LRRC58: variants seen among roughly 807,000 people sequenced by gnomAD.
The protein encoded by LRRC58 is leucine rich repeat containing 58, also known as leucine-rich repeat-containing protein 58.
LRRC58 carries 18 observed loss-of-function variants against 30.6 expected under a neutral mutation model. The observed-to-expected ratio is 0.59, with a 90% CI of 0.41 to 0.87. LRRC58 has a LOEUF of 0.87. Among genes scored for constraint, LRRC58 ranks in the 40% least tolerant of loss-of-function variants. The pLI is 0.00. For synonymous variants in LRRC58, 221 were observed against 206.0 expected, an observed-to-expected ratio of 1.07 and a Z score of -0.62; for missense variants, 420 against 468.4, an observed-to-expected ratio of 0.90 and a Z score of 0.95.
intron 3 of LRRC58, among the ~76,000 whole-genome samples, chr3:120,334,444 T>C (rs920534732): frequency 3.8e-4 from 57 of 151,578 alleles, no homozygotes; most frequent in African/African-American, 1.3e-3. Flanking sequence ...GGAGGCAGAG[T>C]TTGCAATGAG....
In LRRC58 at chr3:120,343,761, G is replaced by A. The variant is rs550950448; in HGVS notation, c.500+4983C>T. Among the ~76,000 whole-genome samples the A allele has an allele frequency of 2.0e-5, 3 of 152,330 alleles. No homozygotes were observed. In the East Asian group the frequency reaches 5.8e-4, roughly 29 times the overall value. On this transcript the variant is annotated intron_variant, in intron 1 of 3. Coordinates refer to ENST00000295628, the MANE Select transcript of LRRC58 (RefSeq NM_001099678.2). ...AAATATACGTTAAGCTGGGCACAGT[G>A]GTTCACGTCTCTAATCCCAGCACTT...
intron 1 of LRRC58, among the ~76,000 whole-genome samples, chr3:120,337,967 C>T (rs1170577812): frequency 4.6e-5 from 7 of 152,044 alleles, no homozygotes; most frequent in African/African-American, 1.2e-4. Context: ...CTCAGCCTCC[C>T]GAGGAGCTAG....
intron 1 of LRRC58, 97 bp from the exon 2 acceptor site, chr3:120,336,050 A>C: frequency 1.2e-6 from 1 of 860,340 alleles, no homozygotes; most frequent in Non-Finnish European, 1.8e-6. Flanking sequence ...CTATTCATTC[A>C]GCAAATGTTT....
chr3:120,337,356 C>G (rs755657101), intron 1 of LRRC58, among the ~76,000 whole-genome samples: 91 of 152,160 alleles, frequency 6.0e-4, no homozygotes, highest in Non-Finnish European at 1.8e-4. Context: ...ATCTGCAGAT[C>G]TGTAGGTCCC....
intron 1 of LRRC58, among the ~76,000 whole-genome samples, chr3:120,337,085 G>A (rs899506668): frequency 6.6e-6 from 1 of 151,982 alleles, no homozygotes; most frequent in African/African-American, 2.4e-5. Context: ...AAGCTATGAA[G>A]TCCTGACCCC....
Position 120,330,864 on chromosome 3 carries a change from A to G in LRRC58, c.*336T>C, listed in dbSNP as rs191444605. On this transcript the variant is annotated 3_prime_UTR_variant, in exon 4 of 4. Transcript: ENST00000295628. ...ATAATTTCTCACTTTCTCCATCTCA[A>G]TGTCCAAAAGTTATACTACTCATGA... The G allele has an allele frequency of 1.2e-4, 37 of 304,094 alleles. No individual in the cohort carries two copies. In the East Asian group the frequency reaches 1.7e-3, roughly 14 times the overall value. The allele number at this position is 304,094 out of a possible 1,614,324, so 18.8% of individuals were successfully genotyped here. A position where few individuals can be genotyped will look rare whatever the true frequency, so the allele number is the denominator to read the frequency against.
chr3:120,333,448 A>G (rs542565679), intron 3 of LRRC58, among the ~76,000 whole-genome samples: 15 of 152,368 alleles, frequency 9.8e-5, no homozygotes, highest in Non-Finnish European at 1.9e-4. Context: ...TGCAATCTCT[A>G]CTTCTAAGAG....
chr3:120,333,102 A>AG, intron 3 of LRRC58, among the ~76,000 whole-genome samples: 1 of 151,888 alleles, frequency 6.6e-6, no homozygotes, highest in East Asian at 1.9e-4. Context: ...AAAAAAAAAA[A>AG]AAAAGAAAAA....
rs966078530 is a variant in LRRC58, at chr3:120,349,330, C to T, written c.-87G>A. On this transcript the variant is annotated 5_prime_UTR_variant, in exon 1 of 4. Transcript: ENST00000295628. ...CGGGAGCTCTGCGGCGCCCCGGAAC[C>T]TGAACCGAGGGCTGAGTCGGAAGTG... 3 of 1,282,084 alleles carry T rather than the reference C, an allele frequency of 2.3e-6. No individual in the cohort carries two copies. Among genetic ancestry groups the T allele is most frequent in the Non-Finnish European group, 2.0e-6 (2 of 1,004,464 alleles). The allele number at this position is 1,282,084 out of a possible 1,614,324, so 79.4% of individuals were successfully genotyped here. A position where few individuals can be genotyped will look rare whatever the true frequency, so the allele number is the denominator to read the frequency against.
At chr3:120,341,012 A>T (rs1051644753) in intron 1 of LRRC58, among the ~76,000 whole-genome samples, 1 of 152,246 alleles carries the variant, frequency 6.6e-6, no homozygotes, top group Non-Finnish European at 1.5e-5. Flanking sequence ...TAGAAAAAGT[A>T]AGCAGATAAC....
chr3:120,349,067 C>T lies in LRRC58; in HGVS notation c.177G>A (p.Leu59=), dbSNP rs1356077709. ...GGAAGCCGCTGCCCAGCGCCCGTGG[C>T]AGCGACACCAGACGGTTGTGAGGCA... ...LLLPHNRLVS[L]PRALGSGFPH... The change falls in exon 1 of 4, where the codon CTG becomes CTA. Residue 59 remains leucine, a synonymous_variant. Coordinates refer to ENST00000295628, the MANE Select transcript of LRRC58 (RefSeq NM_001099678.2). The T allele has an allele frequency of 6.6e-7, 1 of 1,518,480 alleles. No homozygotes were observed. The allele number at this position is 1,518,480 out of a possible 1,614,324, so 94.1% of individuals were successfully genotyped here.
rs773335604 is a variant in LRRC58 at position 120,334,898 on chromosome 3, C to A, written c.871G>T (p.Gly291Cys). The A allele has an allele frequency of 3.1e-6, 5 of 1,613,514 alleles. No individual in the cohort carries two copies. The African/African-American group carries it at 6.7e-5, about 22-fold the overall frequency. The change falls in exon 3 of 4, where the codon GGT (glycine) becomes TGT (cysteine). Residue 291 changes from glycine (G) to cysteine (C), a missense_variant. By Grantham distance (159) the Gly-to-Cys change is radical. This residue lies in a region of LRRC58 where 154 missense variants were observed against 216.8 expected (regional missense o/e 0.71). Coordinates refer to ENST00000295628, the MANE Select transcript of LRRC58 (RefSeq NM_001099678.2). The part of the protein sequence containing the change: ...DLPGNLLRYL[G>C]SASNCPNPKC... The stretch of plus-strand genomic sequence containing the variant: ...GGGTTTGGGCAATTGCTGGCTGAAC[C>A]CAAGTATCTAAGAAGATTTCCAGGA...
At chr3:120,347,375 T>A (rs1397385125) in intron 1 of LRRC58, among the ~76,000 whole-genome samples, 2 of 116,462 alleles carry the variant, frequency 1.7e-5, no homozygotes, top group Admixed American at 9.6e-5. Context: ...CCCAGGCCAA[T>A]ATTCTTTTTT....
Position 120,347,379 on chromosome 3 carries a change from C to CTTTTTTTTTTTTTTTTTTTTTTTTTT in LRRC58, c.500+1364_500+1365insAAAAAAAAAAAAAAAAAAAAAAAAAA, listed in dbSNP as rs796116731. Among the ~76,000 whole-genome samples the CTTTTTTTTTTTTTTTTTTTTTTTTTT allele has an allele frequency of 7.7e-4, 42 of 54,848 alleles. 10 individuals are homozygous for CTTTTTTTTTTTTTTTTTTTTTTTTTT. The highest frequency in any genetic ancestry group is 1.1e-3 in the Non-Finnish European group (33 of 28,766). The allele number at this position is 54,848 out of a possible 152,430, so 36.0% of individuals were successfully genotyped here. The stretch of plus-strand genomic sequence containing the variant: ...AGTTCTTTTTTCCCAGGCCAATATT[C>CTTTTTTTTTTTTTTTTTTTTTTTTTT]TTTTTTTTTTTTTTTTTTTTTTTGA... On this transcript the variant is annotated intron_variant, in intron 1 of 3. Transcript: ENST00000295628.
In LRRC58 at chr3:120,349,290, G is replaced by T; in HGVS notation, c.-47C>A. ...GGCGCCGGATTCCCCAGAGCGCCGC[G>T]CGCGGTCCAGAGGCCGGGAGCTCTG... On this transcript the variant is annotated 5_prime_UTR_variant, in exon 1 of 4. Coordinates refer to ENST00000295628, the MANE Select transcript of LRRC58 (RefSeq NM_001099678.2). 1.5e-5 allele frequency: 20 copies of T among 1,349,438 alleles called. 1 individual carries two copies. In the South Asian group the frequency reaches 3.5e-4, roughly 23 times the overall value. The allele number at this position is 1,349,438 out of a possible 1,614,324, so 83.6% of individuals were successfully genotyped here.
At chr3:120,335,185 C>A (rs764334982) in intron 2 of LRRC58, 46 bp from the exon 3 acceptor site, 1 of 1,525,438 alleles carries the variant, frequency 6.6e-7, no homozygotes, top group Admixed American at 1.8e-5. Flanking sequence ...AACAACGTAA[C>A]TATCAAAAAT....
Position 120,335,084 on chromosome 3 carries a change from G to C in LRRC58, c.685C>G (p.Arg229Gly). ...LHNNLLTYLP[R>G]EILNLIHLEE... is the part of the protein sequence containing the mutation. ...AAATGAATAAGGTTGAGGATCTCTC[G>C]AGGCAGATATGTCAGCAAGTTATTG... The change falls in exon 3 of 4, where the codon CGA (arginine) becomes GGA (glycine). Residue 229 changes from arginine to glycine, a missense_variant. Physicochemically the swap from Arg to Gly is moderately radical, Grantham distance 125. Transcript: ENST00000295628. 1 of 1,613,912 alleles carries C rather than the reference G, an allele frequency of 6.2e-7. No homozygotes were observed. Among genetic ancestry groups the C allele is most frequent in the Non-Finnish European group, 8.5e-7 (1 of 1,179,834 alleles).
intron 1 of LRRC58, among the ~76,000 whole-genome samples, chr3:120,338,791 G>A (rs540495872): frequency 3.9e-5 from 6 of 152,290 alleles, no homozygotes; most frequent in South Asian, 2.1e-4. Context: ...CTGTAAGAGC[G>A]TTTTGAAAAA....
At chr3:120,344,080 C>T (rs764365852) in intron 1 of LRRC58, among the ~76,000 whole-genome samples, 1 of 151,528 alleles carries the variant, frequency 6.6e-6, no homozygotes, top group East Asian at 1.9e-4. Context: ...AAAAAAAACC[C>T]CCAAACAACA....
Sources: gnomAD v4.1 joint callset for allele counts (sites outside exome capture counted in the v4.1 genomes callset) on GRCh38, gnomAD v4.1.1 for gene constraint, gnomAD v4.1.1 regional missense constraint, MANE v1.5 for transcripts, NCBI Gene and HGNC (gene_info 2026-07-23, HGNC 2026-07-21) for gene names.